HIVEP3: variants seen among roughly 807,000 people sequenced by gnomAD.
HIVEP3 encodes the protein transcription factor HIVEP3.
A neutral mutation model predicts 152.8 loss-of-function variants in HIVEP3; 49 were observed. The observed-to-expected ratio is 0.32, with a 90% CI of 0.26 to 0.41. The LOEUF (loss-of-function observed/expected upper bound fraction) is 0.41. Ranked by LOEUF, HIVEP3 falls within the 10% of genes least tolerant of loss-of-function variation. HIVEP3 has a pLI of 1.00. For missense variants in HIVEP3, 2,790 were observed against 3,103.3 expected, an observed-to-expected ratio of 0.90 and a Z score of 2.40; for synonymous variants, 1,269 against 1,289.0, an observed-to-expected ratio of 0.98 and a Z score of 0.33.
intron 5 of HIVEP3, among the ~76,000 whole-genome samples, chr1:41,567,357 C>T (rs1047077696): frequency 6.6e-6 from 1 of 152,244 alleles, no homozygotes; most frequent in East Asian, 1.9e-4. Context: ...ACAACCACTA[C>T]TCCTTCCCAA....
At chr1:41,526,896 A>G (rs1210020168) in intron 5 of HIVEP3, among the ~76,000 whole-genome samples, 3 of 120,068 alleles carry the variant, frequency 2.5e-5, no homozygotes, top group African/African-American at 9.7e-5. Flanking sequence ...CTCTCACACT[A>G]AAACATGCTC....
chr1:41,552,000 C>T (rs921445129), intron 5 of HIVEP3, among the ~76,000 whole-genome samples: 5 of 152,182 alleles, frequency 3.3e-5, no homozygotes, highest in African/African-American at 1.2e-4. Context: ...ATCTTTTCTG[C>T]TTTCTCTTGT....
chr1:41,510,461 G>A lies in HIVEP3; in HGVS notation c.7211C>T (p.Pro2404Leu). The A allele has an allele frequency of 6.7e-7, 1 of 1,501,132 alleles. No individual in the cohort carries two copies. The highest frequency in any genetic ancestry group is 1.4e-5 in the South Asian group (1 of 74,020). The allele number at this position is 1,501,132 out of a possible 1,614,324, so 93.0% of individuals were successfully genotyped here. Reference protein sequence around the residue: ...HPHQPEDRVPPNA With the variant: ...HPHQPEDRVPLNA ...GCAGTTGGAGAGAGGCTAAGCGTTGGGGGGAACCCTGTCCTCAGGCTGATG... is the reference window on the plus strand; with the variant it reads ...GCAGTTGGAGAGAGGCTAAGCGTTGAGGGGAACCCTGTCCTCAGGCTGATG... The change falls in exon 9 of 9, where the codon CCC (proline) becomes CTC (leucine). Residue 2404 changes from proline to leucine, a missense_variant. Around this residue, in one of 9 missense-constraint regions of HIVEP3, gnomAD observed 816 missense variants for 806.5 expected, o/e 1.01. Transcript: ENST00000372583.
intron 1 of HIVEP3, among the ~76,000 whole-genome samples, chr1:41,757,001 G>C (rs1245885737): frequency 6.6e-6 from 1 of 151,952 alleles, no homozygotes; most frequent in Non-Finnish European, 1.5e-5. Flanking sequence ...CAGCACTATA[G>C]AGGGCAGGAT....
At chr1:41,775,292 G>A (rs11210524) in intron 1 of HIVEP3, among the ~76,000 whole-genome samples, 5,228 of 152,152 alleles carry the variant, frequency 0.034, 304 homozygotes, top group African/African-American at 0.12. Flanking sequence ...ACATTTCTGC[G>A]GAGCATATAA....
chr1:41,656,004 G>A (rs908160848), intron 2 of HIVEP3, among the ~76,000 whole-genome samples: 1 of 152,178 alleles, frequency 6.6e-6, no homozygotes, highest in Non-Finnish European at 1.5e-5. Flanking sequence ...GTGGCTCAGA[G>A]CCCTTTGGGT....
At chr1:41,787,218 T>C (rs777898703) in intron 1 of HIVEP3, among the ~76,000 whole-genome samples, 21 of 152,210 alleles carry the variant, frequency 1.4e-4, no homozygotes, top group Non-Finnish European at 8.8e-5. Context: ...GTCTGATGCA[T>C]GCACTACGCC....
At chr1:41,587,982 A>G (rs1644530701) in intron 3 of HIVEP3, among the ~76,000 whole-genome samples, 1 of 152,210 alleles carries the variant, frequency 6.6e-6, no homozygotes, top group South Asian at 2.1e-4. Context: ...TTGCCCTTTC[A>G]ACCTATGTCC....
At chr1:41,674,134 C>G (rs139912098) in intron 2 of HIVEP3, among the ~76,000 whole-genome samples, 2,241 of 152,322 alleles carry the variant, frequency 0.015, 27 homozygotes, top group Non-Finnish European at 0.019. Flanking sequence ...TGAATGTCAC[C>G]CAGACATAAT....
chr1:41,745,502 G>A (rs1440913686), intron 1 of HIVEP3, among the ~76,000 whole-genome samples: 1 of 152,234 alleles, frequency 6.6e-6, no homozygotes, highest in African/African-American at 2.4e-5. Context: ...GGTCTACACT[G>A]AAGATCCACT....
intron 1 of HIVEP3, among the ~76,000 whole-genome samples, chr1:41,858,212 G>GGTATTT (rs1463526738): frequency 6.6e-6 from 1 of 152,162 alleles, no homozygotes; most frequent in Non-Finnish European, 1.5e-5. Flanking sequence ...ACTCTGCTCT[G>GGTATTT]TTGGGACACC....
At chr1:41,938,379 A>G (rs1645029903) in intron 1 of HIVEP3, among the ~76,000 whole-genome samples, 2 of 152,208 alleles carry the variant, frequency 1.3e-5, no homozygotes, top group South Asian at 4.1e-4. Flanking sequence ...AACAGTAACT[A>G]ACACATAGTA....
chr1:42,018,437 T>C (rs1645535961), intron 1 of HIVEP3, among the ~76,000 whole-genome samples: 1 of 151,854 alleles, frequency 6.6e-6, no homozygotes, highest in African/African-American at 2.4e-5. Flanking sequence ...TTTTTTCCCG[T>C]ATGGATACTA....
chr1:41,753,663 C>T (rs999618393), intron 1 of HIVEP3, among the ~76,000 whole-genome samples: 7 of 63,044 alleles, frequency 1.1e-4, no homozygotes, highest in African/African-American at 2.1e-4. Context: ...AGAGAAACGC[C>T]GTCTCAAAAA....
At chr1:41,552,388 C>A (rs566002193) in intron 5 of HIVEP3, among the ~76,000 whole-genome samples, 110 of 134,654 alleles carry the variant, frequency 8.2e-4, no homozygotes, top group Admixed American at 2.5e-3. Context: ...CCACAACAGT[C>A]CCCAGAGTGT....
At chr1:41,853,848 C>A (rs527794874) in intron 1 of HIVEP3, among the ~76,000 whole-genome samples, 2 of 152,280 alleles carry the variant, frequency 1.3e-5, no homozygotes, top group East Asian at 1.9e-4. Flanking sequence ...CTCCACCTGC[C>A]AACCTTCAGC....
At chr1:41,553,275 T>G (rs1643916305) in intron 5 of HIVEP3, among the ~76,000 whole-genome samples, 1 of 152,236 alleles carries the variant, frequency 6.6e-6, no homozygotes, top group Non-Finnish European at 1.5e-5. Flanking sequence ...TCTCTTTTGA[T>G]CTTTGTTGGT....
intron 5 of HIVEP3, among the ~76,000 whole-genome samples, chr1:41,572,254 C>T (rs184991208): frequency 3.9e-5 from 6 of 152,282 alleles, no homozygotes; most frequent in African/African-American, 7.2e-5. Context: ...GTAGCAATGT[C>T]GGCACAGAGA....
rs574166988 is a variant in HIVEP3, at chr1:41,778,711, G to A, written c.-800-77716C>T. ...TGAGAAAATCCCAGGGAGTAAAACA[G>A]GCCAATCTCTGTCCTCCTGGGAGCT... is the stretch of plus-strand genomic sequence containing the variant. On this transcript the variant is annotated intron_variant, in intron 1 of 8. Coordinates refer to ENST00000372583, the MANE Select transcript of HIVEP3 (RefSeq NM_024503.5). Among the ~76,000 whole-genome samples the A allele has an allele frequency of 2.6e-5, 4 of 152,252 alleles. No homozygotes were observed. The South Asian group carries it at 6.2e-4, about 24-fold the overall frequency.
Sources: gnomAD v4.1 joint callset for allele counts (sites outside exome capture counted in the v4.1 genomes callset) on GRCh38, gnomAD v4.1.1 for gene constraint, gnomAD v4.1.1 regional missense constraint, MANE v1.5 for transcripts, NCBI Gene and HGNC (gene_info 2026-07-23, HGNC 2026-07-21) for gene names.